PDE1C: variants seen among roughly 807,000 people sequenced by gnomAD.
The protein encoded by PDE1C is dual specificity calcium/calmodulin-dependent 3',5'-cyclic nucleotide phosphodiesterase 1C.
In PDE1C, 62 loss-of-function variants were observed where a neutral mutation model predicts 93.1. The observed-to-expected ratio is 0.67, with a 90% CI of 0.54 to 0.82. The LOEUF (loss-of-function observed/expected upper bound fraction) is 0.82, where lower values mean the gene tolerates loss of function less well. PDE1C is among the 40% of genes least tolerant of loss of function. The probability of loss-of-function intolerance (pLI) is 0.00; values close to 1 mark genes in which losing one functional copy is unlikely to be tolerated. For missense variants in PDE1C, 742 were observed against 884.6 expected (o/e 0.84, Z 2.04); for synonymous variants, 325 against 310.1 (o/e 1.05, Z -0.50).
chr7:31,692,358 A>G, the PDE1C span: 6 of 1,092,092 alleles, frequency 5.5e-6, no homozygotes, highest in African/African-American at 1.6e-5. Flanking sequence ...GATTGAATGA[A>G]TGAATAAACA....
chr7:32,280,649 A>G (rs1811568722), intron 1 of PDE1C, among the ~76,000 whole-genome samples: 1 of 152,220 alleles, frequency 6.6e-6, no homozygotes, highest in African/African-American at 2.4e-5. Context: ...CTACAGCCCT[A>G]TCAAAAAGTC....
At chr7:31,973,708 C>T (rs1811272550) in intron 2 of PDE1C, among the ~76,000 whole-genome samples, 1 of 152,112 alleles carries the variant, frequency 6.6e-6, no homozygotes, top group Non-Finnish European at 1.5e-5. Context: ...CCCAGAAAGG[C>T]TAAATAACTT....
At chr7:31,922,771 T>C (rs1802788222) in intron 2 of PDE1C, among the ~76,000 whole-genome samples, 1 of 152,154 alleles carries the variant, frequency 6.6e-6, no homozygotes, top group African/African-American at 2.4e-5. Flanking sequence ...CACTCAGTGG[T>C]TTATAAGAAA....
intron 1 of PDE1C, among the ~76,000 whole-genome samples, chr7:32,398,881 T>TGGAAA (rs1230329169): frequency 6.6e-6 from 1 of 151,636 alleles, no homozygotes; most frequent in Non-Finnish European, 1.5e-5. Flanking sequence ...TAGGTAAGGG[T>TGGAAA]GGAAAGTGGG....
chr7:32,076,664 A>G (rs1796376514), intron 3 of PDE1C, among the ~76,000 whole-genome samples: 1 of 151,206 alleles, frequency 6.6e-6, no homozygotes. Flanking sequence ...AAAAGAAAAA[A>G]AGAAAAAAGA....
intron 14 of PDE1C, among the ~76,000 whole-genome samples, chr7:31,820,173 T>C (rs899170454): frequency 6.6e-6 from 1 of 152,144 alleles, no homozygotes; most frequent in Non-Finnish European, 1.5e-5. Flanking sequence ...TATTATATTA[T>C]GATCCCAATT....
At chr7:32,263,341 A>C (rs1457391202) in intron 1 of PDE1C, among the ~76,000 whole-genome samples, 1 of 151,824 alleles carries the variant, frequency 6.6e-6, no homozygotes, top group Non-Finnish European at 1.5e-5. Flanking sequence ...CTGCATATAT[A>C]CATGTGCGGG....
chr7:32,306,195 T>C (rs976694059), intron 1 of PDE1C, among the ~76,000 whole-genome samples: 23 of 152,158 alleles, frequency 1.5e-4, no homozygotes, highest in African/African-American at 5.1e-4. Flanking sequence ...GTTAAACCTC[T>C]TTTTCTTTAT....
At chr7:31,853,028 C>T (rs957431753) in intron 7 of PDE1C, among the ~76,000 whole-genome samples, 3 of 150,874 alleles carry the variant, frequency 2.0e-5, no homozygotes, top group African/African-American at 7.4e-5. Flanking sequence ...TGTAACATCT[C>T]AACGAATCCT....
the PDE1C span, among the ~76,000 whole-genome samples, chr7:31,656,734 A>G: frequency 1.3e-5 from 2 of 152,188 alleles, no homozygotes; most frequent in Non-Finnish European, 2.9e-5. Flanking sequence ...CAGAAAGATG[A>G]CTTCATGTGT....
chr7:31,689,998 G>C, the PDE1C span, among the ~76,000 whole-genome samples: 1 of 152,192 alleles, frequency 6.6e-6, no homozygotes, highest in South Asian at 2.1e-4. Flanking sequence ...TGTGGAGGAA[G>C]CATGTGTCAG....
At chr7:32,378,848 T>G (rs1281692875) in intron 1 of PDE1C, among the ~76,000 whole-genome samples, 1 of 152,186 alleles carries the variant, frequency 6.6e-6, no homozygotes, top group Non-Finnish European at 1.5e-5. Context: ...TTGATTTGAG[T>G]AATAACTTCA....
At chr7:31,952,931 T>C (rs905036004) in intron 2 of PDE1C, among the ~76,000 whole-genome samples, 2 of 152,120 alleles carry the variant, frequency 1.3e-5, no homozygotes, top group Non-Finnish European at 2.9e-5. Flanking sequence ...ACATCTAGTA[T>C]TGTTTAATTT....
At chr7:31,965,091 G>T (rs995786207) in intron 2 of PDE1C, among the ~76,000 whole-genome samples, 33 of 152,196 alleles carry the variant, frequency 2.2e-4, no homozygotes, top group African/African-American at 8.0e-4. Flanking sequence ...ACCAGCAACG[G>T]AACAATGCTG....
intron 1 of PDE1C, among the ~76,000 whole-genome samples, chr7:32,382,875 G>A (rs567356327): frequency 6.6e-6 from 1 of 152,264 alleles, no homozygotes; most frequent in South Asian, 2.1e-4. Flanking sequence ...CTGTCGCCAG[G>A]CAGACCTCTC....
intron 1 of PDE1C, among the ~76,000 whole-genome samples, chr7:32,419,218 T>C (rs1364099796): frequency 6.6e-6 from 1 of 152,170 alleles, no homozygotes; most frequent in African/African-American, 2.4e-5. Context: ...GGAACAAAGC[T>C]TGGAAGAAAG....
chr7:31,975,816 T>G (rs527772840), intron 2 of PDE1C, among the ~76,000 whole-genome samples: 103 of 152,314 alleles, frequency 6.8e-4, no homozygotes, highest in Middle Eastern at 3.4e-3. Flanking sequence ...ACTTCCTTAC[T>G]TAGGTTGTTG....
the PDE1C span, among the ~76,000 whole-genome samples, chr7:31,705,986 A>ATTTTTTTTTTTTTTTTT: frequency 5.7e-5 from 3 of 52,514 alleles, no homozygotes; most frequent in African/African-American, 7.5e-5. Flanking sequence ...CAGACCAGTA[A>ATTTTTTTTTTTTTTTTT]TTTTTTTTTT....
chr7:31,851,383 A>G (rs1373552852), intron 7 of PDE1C, among the ~76,000 whole-genome samples: 1 of 152,124 alleles, frequency 6.6e-6, no homozygotes, highest in Non-Finnish European at 1.5e-5. Flanking sequence ...CCCCACCCCA[A>G]TCTCACTGGA....
Sources: allele counts gnomAD v4.1 joint callset (sites outside exome capture counted in the v4.1 genomes callset), GRCh38; gene constraint gnomAD v4.1.1; transcripts MANE v1.5; gene names NCBI Gene and HGNC (gene_info 2026-07-23, HGNC 2026-07-21).